The following SPTBN4 variants were observed in gnomAD, a reference collection of about 807,000 sequenced individuals.
SPTBN4 encodes spectrin beta chain, non-erythrocytic 4.
SPTBN4 carries 96 observed loss-of-function variants against 277.8 expected under a neutral mutation model. That is an observed-to-expected ratio of 0.35 (90% CI 0.29 to 0.41). The LOEUF is 0.41. Ranked by LOEUF, SPTBN4 falls within the 10% of genes least tolerant of loss-of-function variation. SPTBN4 has a pLI of 1.00. For missense variants in SPTBN4, 3,006 were observed against 3,595.7 expected (o/e 0.84, Z 4.19); for synonymous variants, 1,481 against 1,580.3 (o/e 0.94, Z 1.49).
In SPTBN4 at chr19:40,564,129, C is replaced by T. The variant is rs560895107; in HGVS notation, c.5916-1294C>T. Among the ~76,000 whole-genome samples, 9 of 151,922 alleles carry T rather than the reference C, an allele frequency of 5.9e-5. No individual in the cohort carries two copies. The South Asian group carries it at 8.3e-4, about 14-fold the overall frequency. The stretch of plus-strand genomic sequence containing the variant: ...CTGCACTTTGGGAGGCCTAGGCAGG[C>T]GGATCAACTGAGGTCAGGAGTTTGA... On this transcript the variant is annotated intron_variant, in intron 27 of 35. Coordinates refer to ENST00000598249, the MANE Select transcript of SPTBN4 (RefSeq NM_020971.3).
At chr19:40,572,447 C>G in intron 35 of SPTBN4, 67 bp downstream of exon 35, 1 of 1,582,224 alleles carries the variant, frequency 6.3e-7, no homozygotes, top group East Asian at 2.2e-5. Flanking sequence ...GGCTCCTGAC[C>G]CAGAGTGATG....
intron 20 of SPTBN4, among the ~76,000 whole-genome samples, chr19:40,546,390 T>A: frequency 6.6e-6 from 1 of 151,144 alleles, no homozygotes; most frequent in East Asian, 1.9e-4. Context: ...TGGGCAGTCC[T>A]TTTTTTTTGC....
In SPTBN4 at chr19:40,519,380, C is replaced by T; in HGVS notation, c.2904-21C>T. ...AGAGGAGTCCCTGTCCTCCTCAAGT[C>T]ACTCTCTTTCCCCTGGGCAGGTGGA... On this transcript the variant is annotated intron_variant, in intron 15 of 35. Coordinates refer to ENST00000598249, the MANE Select transcript of SPTBN4 (RefSeq NM_020971.3). This position sits in a 1 kb window ranked among gnomAD's most constrained non-coding sequence, Gnocchi z 5.7. 6.6e-7 allele frequency: 1 copy of T among 1,519,800 alleles called. No individual in the cohort carries two copies. Among genetic ancestry groups the T allele is most frequent in the South Asian group, 1.3e-5 (1 of 77,834 alleles). The allele number at this position is 1,519,800 out of a possible 1,614,324, so 94.1% of individuals were successfully genotyped here.
intron 20 of SPTBN4, among the ~76,000 whole-genome samples, chr19:40,541,641 C>T (rs535887462): frequency 2.0e-5 from 3 of 152,144 alleles, no homozygotes; most frequent in South Asian, 2.1e-4. Context: ...AGTGTGTGAG[C>T]GATCTGTCCC....
intron 20 of SPTBN4, 83 bp from the exon 21 acceptor site, chr19:40,549,106 G>A (rs1047864335): frequency 2.5e-6 from 3 of 1,194,506 alleles, no homozygotes; most frequent in Non-Finnish European, 3.4e-6. Flanking sequence ...GAGGGGTCTG[G>A]CTGTCACCAT....
intron 15 of SPTBN4, among the ~76,000 whole-genome samples, chr19:40,517,385 G>A (rs759642380): frequency 1.3e-5 from 2 of 151,092 alleles, no homozygotes; most frequent in Admixed American, 6.6e-5. Flanking sequence ...CACCGCCCCC[G>A]ACCCGAGCTC....
Position 40,519,604 on chromosome 19 carries a change from C to A in SPTBN4, c.3107C>A (p.Pro1036Gln). ...GAGGCCGCTCTGCAGGCGCTGGAGC[C>A]GCGCCAGGCGGCCCTTCTGGAGGAG... ...GLEAALQALEPRQAALLEEAA... is the reference protein window; with the variant it reads ...GLEAALQALEQRQAALLEEAA... The change falls in exon 16 of 36, where the codon CCG becomes CAG. Residue 1036 changes from proline (P) to glutamine (Q), a missense_variant. Physicochemically the swap from Pro to Gln is moderately conservative, Grantham distance 76. This residue lies in a region of SPTBN4 where 1,759 missense variants were observed against 2,061.5 expected (regional missense o/e 0.85). Transcript: ENST00000598249. This position sits in a 1 kb window ranked among gnomAD's most constrained non-coding sequence, Gnocchi z 5.7. The A allele has an allele frequency of 1.4e-6, 2 of 1,455,696 alleles. No homozygotes were observed. Among genetic ancestry groups the A allele is most frequent in the South Asian group, 2.8e-5 (2 of 72,406 alleles). The allele number at this position is 1,455,696 out of a possible 1,614,324, so 90.2% of individuals were successfully genotyped here.
intron 2 of SPTBN4, among the ~76,000 whole-genome samples, chr19:40,477,592 C>A (rs2079963520): frequency 6.6e-6 from 1 of 152,118 alleles, no homozygotes; most frequent in South Asian, 2.1e-4. Context: ...GATGGGGAAG[C>A]CCAAGGACTG....
At position 40,549,234 on chromosome 19, in the gene SPTBN4, C is replaced by T. The variant is rs571369053; in HGVS notation, c.4405C>T (p.Leu1469=). ...GGAGTGGTACCGCGAGGTGGGAGAG[C>T]TGCAGGCGCAGACGGCGGCGCTGCC... ...VEEWYREVGE[L]QAQTAALPLE... Residue 1469 remains leucine (L), a synonymous_variant, in exon 21 of 36, where the codon CTG becomes TTG. Coordinates refer to ENST00000598249, the MANE Select transcript of SPTBN4 (RefSeq NM_020971.3). 2.6e-6 allele frequency: 4 copies of T among 1,548,692 alleles called. No individual in the cohort carries two copies. In the African/African-American group the frequency reaches 4.1e-5, roughly 16 times the overall value.
At chr19:40,547,956 G>A (rs906612625) in intron 20 of SPTBN4, among the ~76,000 whole-genome samples, 3 of 152,124 alleles carry the variant, frequency 2.0e-5, no homozygotes, top group Middle Eastern at 3.2e-3. Flanking sequence ...TACTTACTCT[G>A]TTTAGGTCTT....
chr19:40,494,727 C>G (rs1362259328), intron 5 of SPTBN4, among the ~76,000 whole-genome samples, 170 bp from the exon 6 acceptor site: 2 of 151,938 alleles, frequency 1.3e-5, no homozygotes, highest in African/African-American at 4.8e-5. Context: ...GTGTATCTAC[C>G]TATCTCTCTC....
rs1202151978 is a variant in SPTBN4, at chr19:40,472,800, G to A, written c.169+10G>A. ...ATCAAGGCCTTGGCAGGTACCTGGA[G>A]GAGGGCTGGGGTGGGATGAGGAGGA... On this transcript the variant is annotated intron_variant, in intron 2 of 35. Transcript: ENST00000598249. 1 of 1,546,836 alleles carries A rather than the reference G, an allele frequency of 6.5e-7. No individual in the cohort carries two copies. Among genetic ancestry groups the A allele is most frequent in the African/African-American group, 1.4e-5 (1 of 73,390 alleles).
intron 7 of SPTBN4, among the ~76,000 whole-genome samples, chr19:40,498,368 TTTTATTTTATTTA>T (rs1195981335): frequency 6.8e-6 from 1 of 146,736 alleles, no homozygotes; most frequent in East Asian, 2.0e-4. Context: ...CCCTGTTTTA[TTTTATTTTATTTA>T]TTTATTTATT....
rs760464060 is a variant in SPTBN4, at chr19:40,513,268, G to T, written c.2479G>T (p.Gly827Trp). Residue 827 changes from glycine to tryptophan, a missense_variant, in exon 14 of 36, where the codon GGG (glycine) becomes TGG (tryptophan). Coordinates refer to ENST00000598249, the MANE Select transcript of SPTBN4 (RefSeq NM_020971.3). ...ALTGEVEAHR[G>W]PVSGLRRQLA... The stretch of plus-strand genomic sequence containing the variant: ...CACCGGGGAGGTGGAGGCACATCGC[G>T]GGCCCGTGAGCGGCCTGCGGCGCCA... 2 of 1,530,844 alleles carry T rather than the reference G, an allele frequency of 1.3e-6. No individual in the cohort carries two copies. Among genetic ancestry groups the T allele is most frequent in the Non-Finnish European group, 1.7e-6 (2 of 1,144,228 alleles). 94.8% of individuals were successfully genotyped at this position (1,530,844 alleles called of 1,614,324 possible).
At chr19:40,537,581 T>G (rs2080753105) in intron 20 of SPTBN4, among the ~76,000 whole-genome samples, 1 of 152,200 alleles carries the variant, frequency 6.6e-6, no homozygotes, top group Non-Finnish European at 1.5e-5. Context: ...TGCTGGGCAC[T>G]GTTAACTCCT....
chr19:40,494,146 G>A (rs1219865772), intron 5 of SPTBN4, among the ~76,000 whole-genome samples: 1 of 152,150 alleles, frequency 6.6e-6, no homozygotes, highest in East Asian at 1.9e-4. Context: ...CTGGGAGGAC[G>A]GAGGGAGGGG....
chr19:40,502,194 C>G lies in SPTBN4; in HGVS notation c.964C>G (p.Leu322Val). 6.2e-7 allele frequency: 1 copy of G among 1,614,080 alleles called. No homozygotes were observed. Among genetic ancestry groups the G allele is most frequent in the East Asian group, 2.2e-5 (1 of 44,878 alleles). ...ERYEELAAELLAWIHRTVGLI... is the reference protein window; with the variant it reads ...ERYEELAAELVAWIHRTVGLI... ...CTACGAGGAGCTGGCGGCTGAGCTG[C>G]TGGCCTGGATCCACCGCACCGTGGG... is the stretch of plus-strand genomic sequence containing the variant. The change falls in exon 9 of 36, where the codon CTG becomes GTG. Residue 322 changes from leucine (L) to valine (V), a missense_variant. By Grantham distance (32) the Leu-to-Val change is conservative. Around this residue, in one of 5 missense-constraint regions of SPTBN4, gnomAD observed 1,759 missense variants for 2,061.5 expected, o/e 0.85. Coordinates refer to ENST00000598249, the MANE Select transcript of SPTBN4 (RefSeq NM_020971.3). This position sits in a 1 kb window ranked among gnomAD's most constrained non-coding sequence, Gnocchi z 4.9.
rs149611309 is a variant in SPTBN4 at position 40,542,014 on chromosome 19, C to T, written c.4360-7175C>T. 9.2e-5 allele frequency among the ~76,000 whole-genome samples: 14 copies of T among 152,312 alleles called. No individual in the cohort carries two copies. In the South Asian group the frequency reaches 1.9e-3, roughly 20 times the overall value. The stretch of plus-strand genomic sequence containing the variant: ...TCAGCTCGCTGCAACCTCCGCCTCC[C>T]GGATTCCAGCGATTCTCCTGCCTCA... On this transcript the variant is annotated intron_variant, in intron 20 of 35. Transcript: ENST00000598249.
intron 2 of SPTBN4, 46 bp from the exon 3 acceptor site, chr19:40,487,651 G>A (rs370007809): frequency 3.8e-6 from 6 of 1,575,026 alleles, no homozygotes; most frequent in African/African-American, 2.7e-5. Context: ...GGAGGGCTGG[G>A]GTGAAGGTGG....
Sources: allele counts gnomAD v4.1 joint callset (sites outside exome capture counted in the v4.1 genomes callset), GRCh38; gene constraint gnomAD v4.1.1; regional missense constraint gnomAD v4.1.1; non-coding constraint Gnocchi (gnomAD v3.1); transcripts MANE v1.5; gene names NCBI Gene and HGNC (gene_info 2026-07-23, HGNC 2026-07-21).